Variants in SPTBN4 observed in about 807,000 individuals in gnomAD.
SPTBN4 encodes spectrin beta chain, non-erythrocytic 4.
A neutral mutation model predicts 277.8 loss-of-function variants in SPTBN4; 96 were observed. The ratio of observed to expected loss-of-function variants is 0.35; its 90% CI spans 0.29 to 0.41. The LOEUF is 0.41. SPTBN4 is among the 10% of genes least tolerant of loss of function. The pLI, the probability that SPTBN4 is intolerant of heterozygous loss-of-function variation, is 1.00. For missense variants in SPTBN4, 3,006 were observed against 3,595.7 expected (o/e 0.84, Z 4.19); for synonymous variants, 1,481 against 1,580.3 (o/e 0.94, Z 1.49).
At chr19:40,497,426 T>TTC (rs1165386405) in intron 6 of SPTBN4, 63 bp from the exon 7 acceptor site, 8 of 1,288,044 alleles carry the variant, frequency 6.2e-6, no homozygotes, top group Non-Finnish European at 9.0e-6. Flanking sequence ...GGTGGCTTCT[T>TTC]CCCTGCTTGC....
Position 40,555,523 on chromosome 19 carries a change from AGAAAG to A in SPTBN4, c.5085-556_5085-552del, listed in dbSNP as rs368436397. Among the ~76,000 whole-genome samples, 312 of 151,022 alleles carry A rather than the reference AGAAAG, an allele frequency of 2.1e-3. 1 individual carries two copies. The highest frequency in any genetic ancestry group is 6.9e-3 in the Middle Eastern group (2 of 290). ...AAAAAAAAAAAGAAAAGAAAAAAAA[AGAAAG>A]GAAACTGGGTGAGGCTGGATAGAGG... On this transcript the variant is annotated intron_variant, in intron 24 of 35. Transcript: ENST00000598249.
At chr19:40,510,337 C>T (rs1362257145) in intron 13 of SPTBN4, among the ~76,000 whole-genome samples, 1 of 151,902 alleles carries the variant, frequency 6.6e-6, no homozygotes, top group Non-Finnish European at 1.5e-5. Context: ...CAGAGTCTCA[C>T]TCTGTTGCCC....
chr19:40,550,969 C>T (rs940413637), intron 22 of SPTBN4, among the ~76,000 whole-genome samples: 1 of 152,180 alleles, frequency 6.6e-6, no homozygotes, highest in Non-Finnish European at 1.5e-5. Context: ...AGGAATAACT[C>T]TCATTGGCTC....
intron 15 of SPTBN4, among the ~76,000 whole-genome samples, chr19:40,518,005 T>C (rs2080479783): frequency 6.6e-6 from 1 of 152,196 alleles, no homozygotes. Context: ...AGAATCATAA[T>C]GGCTTTATGC....
At chr19:40,565,296 G>GAA in intron 27 of SPTBN4, 127 bp from the exon 28 acceptor site, 3 of 1,111,828 alleles carry the variant, frequency 2.7e-6, no homozygotes, top group Non-Finnish European at 3.8e-6. Flanking sequence ...GAAAAGAAAA[G>GAA]AAAGTAAGTG....
chr19:40,531,239 G>T (rs1041429772), intron 18 of SPTBN4, among the ~76,000 whole-genome samples: 1 of 152,026 alleles, frequency 6.6e-6, no homozygotes, highest in Non-Finnish European at 1.5e-5. Context: ...TGTGGTTGCC[G>T]TTGGACTCTT....
chr19:40,538,866 AG>A (rs1568823614), intron 20 of SPTBN4, among the ~76,000 whole-genome samples: 1 of 152,220 alleles, frequency 6.6e-6, no homozygotes, highest in Non-Finnish European at 1.5e-5. Context: ...CTGGGATTAC[AG>A]GGGTGAAGCA....
At chr19:40,545,557 C>T (rs897251349) in intron 20 of SPTBN4, among the ~76,000 whole-genome samples, 1 of 152,194 alleles carries the variant, frequency 6.6e-6, no homozygotes, top group Admixed American at 6.5e-5. Flanking sequence ...CTCCCAACAT[C>T]TTTGCCAGCA....
chr19:40,504,153 AT>A, intron 12 of SPTBN4, 21 bp downstream of exon 12: 1 of 835,442 alleles, frequency 1.2e-6, no homozygotes, highest in Non-Finnish European at 1.8e-6. Context: ...GGGGGCGGGG[AT>A]GCGGGTGGAG....
chr19:40,528,860 C>T (rs1360114444), intron 17 of SPTBN4, among the ~76,000 whole-genome samples, 181 bp from the exon 18 acceptor site: 1 of 152,014 alleles, frequency 6.6e-6, no homozygotes, highest in Non-Finnish European at 1.5e-5. Flanking sequence ...CTGTCTCTCT[C>T]TCTGCCCTTC....
At chr19:40,523,758 C>T in intron 17 of SPTBN4, 119 bp downstream of exon 17, 1 of 936,292 alleles carries the variant, frequency 1.1e-6, no homozygotes, top group Non-Finnish European at 1.6e-6. Context: ...TTCTCTGGGG[C>T]TCTTTCCTAT....
intron 12 of SPTBN4, among the ~76,000 whole-genome samples, chr19:40,504,503 C>T (rs1245142177): frequency 1.3e-5 from 2 of 152,068 alleles, no homozygotes; most frequent in Non-Finnish European, 2.9e-5. Context: ...CCCATCTCTA[C>T]TAAAAATACA....
At chr19:40,492,041 C>A (rs796131993) in intron 4 of SPTBN4, among the ~76,000 whole-genome samples, 101 of 139,814 alleles carry the variant, frequency 7.2e-4, no homozygotes, top group African/African-American at 2.6e-3. Flanking sequence ...AAAAACAAAA[C>A]AAAAAAAAAA....
chr19:40,469,892 C>T (rs1225754053), intron 1 of SPTBN4, among the ~76,000 whole-genome samples: 1 of 152,244 alleles, frequency 6.6e-6, no homozygotes, highest in African/African-American at 2.4e-5. Flanking sequence ...GATTCACCCA[C>T]CTTGGCCTCC....
chr19:40,518,228 C>T (rs372620993), intron 15 of SPTBN4, among the ~76,000 whole-genome samples: 142 of 152,154 alleles, frequency 9.3e-4, no homozygotes, highest in African/African-American at 3.3e-3. Context: ...ATCCCATGAA[C>T]CTGGGAGGCG....
At chr19:40,479,740 A>C (rs2079989017) in intron 2 of SPTBN4, among the ~76,000 whole-genome samples, 1 of 147,612 alleles carries the variant, frequency 6.8e-6, no homozygotes, top group Non-Finnish European at 1.5e-5. Context: ...ATGACACAGA[A>C]TGGCAGATAA....
At position 40,491,570 on chromosome 19, in the gene SPTBN4, C is replaced by T. The variant is rs543456728; in HGVS notation, c.495+1322C>T. On this transcript the variant is annotated intron_variant, in intron 4 of 35. Transcript: ENST00000598249. ...CAGCTTGGCCAACATGGTGAAACCC[C>T]GTCTCTACTAAAAATACAGAAATTA... Among the ~76,000 whole-genome samples, 27 of 151,622 alleles carry T rather than the reference C, an allele frequency of 1.8e-4. No individual in the cohort carries two copies. The East Asian group carries it at 3.7e-3, about 21-fold the overall frequency.
rs557763991 is a variant in SPTBN4 at position 40,532,498 on chromosome 19, T to A, written c.3949-127T>A. 2,029 of 1,235,692 alleles carry A rather than the reference T, an allele frequency of 1.6e-3. 2 individuals are homozygous for A. The highest frequency in any genetic ancestry group is 2.0e-3 in the Non-Finnish European group (1,884 of 926,206). 76.5% of individuals were successfully genotyped at this position (1,235,692 alleles called of 1,614,324 possible). A position where few individuals can be genotyped will look rare whatever the true frequency, so the allele number is the denominator to read the frequency against. ...GGCCTCACTTGCAAAGGTTTTTTCA[T>A]CCTTTCCTATTCCTTCCACCCATAC... On this transcript the variant is annotated intron_variant, in intron 18 of 35. Coordinates refer to ENST00000598249, the MANE Select transcript of SPTBN4 (RefSeq NM_020971.3).
chr19:40,523,387 T>C, intron 16 of SPTBN4, 50 bp from the exon 17 acceptor site: 3 of 1,531,104 alleles, frequency 2.0e-6, no homozygotes, highest in Non-Finnish European at 2.7e-6. Context: ...CTCTCCCAGG[T>C]CCTGGAATGG....
Sources: allele counts gnomAD v4.1 joint callset (sites outside exome capture counted in the v4.1 genomes callset), GRCh38; gene constraint gnomAD v4.1.1; transcripts MANE v1.5; gene names NCBI Gene and HGNC (gene_info 2026-07-23, HGNC 2026-07-21).